The following MCTP1 variants were observed in gnomAD, a reference collection of about 807,000 sequenced individuals.
MCTP1 encodes the protein multiple C2 and transmembrane domain containing 1.
In MCTP1, 69 loss-of-function variants were observed where a neutral mutation model predicts 120.6. The observed-to-expected ratio is 0.57, with a 90% CI of 0.47 to 0.70. The LOEUF is 0.70. Ranked by LOEUF, MCTP1 falls within the 30% of genes least tolerant of loss-of-function variation. MCTP1 has a pLI of 0.00. For synonymous variants in MCTP1, 529 were observed against 493.1 expected, an observed-to-expected ratio of 1.07 and a Z score of -0.96; for missense variants, 1,203 against 1,248.8, an observed-to-expected ratio of 0.96 and a Z score of 0.55.
chr5:94,794,078 G>T (rs1779509397), intron 18 of MCTP1, among the ~76,000 whole-genome samples: 1 of 152,190 alleles, frequency 6.6e-6, no homozygotes, highest in Non-Finnish European at 1.5e-5. Flanking sequence ...GTCTCAATTT[G>T]TGTCACAGTC....
At chr5:95,031,147 A>G (rs1207514273) in intron 1 of MCTP1, among the ~76,000 whole-genome samples, 2 of 152,156 alleles carry the variant, frequency 1.3e-5, no homozygotes, top group Non-Finnish European at 2.9e-5. Context: ...TGTAAAGCAA[A>G]CAAATCTATG....
chr5:94,969,301 T>TAG (rs1284712319), intron 2 of MCTP1, among the ~76,000 whole-genome samples: 8 of 152,176 alleles, frequency 5.3e-5, no homozygotes, highest in Admixed American at 2.6e-4. Flanking sequence ...TCTGAATGTG[T>TAG]CCATTTTTAT....
rs2636 is a variant in MCTP1 at position 94,714,782 on chromosome 5, T to C, written c.2715A>G (p.Ile905Met). 5 of 1,574,436 alleles carry C rather than the reference T, an allele frequency of 3.2e-6. No homozygotes were observed. Among genetic ancestry groups the C allele is most frequent in the Non-Finnish European group, 4.4e-6 (5 of 1,144,128 alleles). ...CACAGGTCACCGTCACTCACTTCTT[T>C]ATCCTTTCGCCAAAGGAAGCCACTT... ...LDEVASFGER[I>M]KNTFNWTVPF... Residue 905 changes from isoleucine (I) to methionine (M), a missense_variant, in exon 20 of 23, where the codon ATA (isoleucine) becomes ATG (methionine). Transcript: ENST00000515393.
At chr5:94,716,515 C>T (rs1008020513) in intron 19 of MCTP1, among the ~76,000 whole-genome samples, 8 of 152,068 alleles carry the variant, frequency 5.3e-5, no homozygotes, top group African/African-American at 1.9e-4. Context: ...ACTGTGTGTC[C>T]CTTAGTATTC....
chr5:95,184,891 C>T (rs557759002), intron 1 of MCTP1, among the ~76,000 whole-genome samples: 15 of 152,240 alleles, frequency 9.9e-5, no homozygotes, highest in Admixed American at 7.2e-4. Flanking sequence ...AACTTCAACC[C>T]CCTATGATTC....
Position 95,184,850 on chromosome 5 carries a change from C to T in MCTP1, c.720+99006G>A, listed in dbSNP as rs141800621. 9.1e-3 allele frequency among the ~76,000 whole-genome samples: 1,380 copies of T among 152,262 alleles called. 17 individuals are homozygous for T. The highest frequency in any genetic ancestry group is 9.8e-3 in the Non-Finnish European group (664 of 68,024). ...TCTGCCTCAACCAGTTCTGCCATCT[C>T]ACCCAGGAACAGAAGACATTAAGAA... On this transcript the variant is annotated intron_variant, in intron 1 of 22. Coordinates refer to ENST00000515393, the MANE Select transcript of MCTP1 (RefSeq NM_024717.7).
intron 1 of MCTP1, among the ~76,000 whole-genome samples, chr5:95,021,265 T>C (rs948758116): frequency 2.0e-5 from 3 of 152,086 alleles, no homozygotes; most frequent in Admixed American, 6.6e-5. Context: ...TGTTATTTAC[T>C]ACTGGGTGAA....
At chr5:94,916,396 C>T (rs1004475127) in intron 8 of MCTP1, among the ~76,000 whole-genome samples, 4 of 152,074 alleles carry the variant, frequency 2.6e-5, no homozygotes, top group African/African-American at 9.7e-5. Context: ...CTTCAGGGCC[C>T]CAGGTGTACT....
At position 94,886,474 on chromosome 5, in the gene MCTP1, AC is replaced by A. The variant is rs576056914; in HGVS notation, c.1933+2404del. Among the ~76,000 whole-genome samples, 790 of 152,356 alleles carry A rather than the reference AC, an allele frequency of 5.2e-3. 6 individuals are homozygous for A. Among genetic ancestry groups the A allele is most frequent in the Middle Eastern group, 0.037 (11 of 294 alleles). On this transcript the variant is annotated intron_variant, in intron 12 of 22. Coordinates refer to ENST00000515393, the MANE Select transcript of MCTP1 (RefSeq NM_024717.7). ...TCAGATCATTAAAAATATCAAAAAA[AC>A]AGAGCCAAGTTGTTCAAATATAGAT...
chr5:95,092,309 T>C (rs2152344092), intron 1 of MCTP1, among the ~76,000 whole-genome samples: 1 of 152,340 alleles, frequency 6.6e-6, no homozygotes, highest in East Asian at 1.9e-4. Context: ...AAGAAACTGT[T>C]TCTTATTCTC....
At chr5:95,008,153 A>T (rs1305244987) in intron 2 of MCTP1, among the ~76,000 whole-genome samples, 4 of 152,174 alleles carry the variant, frequency 2.6e-5, no homozygotes, top group African/African-American at 9.6e-5. Flanking sequence ...CTCAAGCTTC[A>T]TTATAACCTC....
intron 22 of MCTP1, chr5:94,708,290 G>A: frequency 2.8e-6 from 1 of 357,752 alleles, no homozygotes; most frequent in Non-Finnish European, 5.1e-6. Flanking sequence ...GACAGCTCTG[G>A]TAGGTTCTTT....
chr5:94,870,485 C>A lies in MCTP1; in HGVS notation c.2248G>T (p.Ala750Ser). ...TTGGGTATTAATGTTCGTAAGCTGG[C>A]TTTCACCTATACATCAACATATGTG... ...EIDVIFNAVK[A>S]SLRTLIPKEQ... Residue 750 changes from alanine to serine, a missense_variant, in exon 16 of 23, where the codon GCC (alanine) becomes TCC (serine). Transcript: ENST00000515393. 1 of 1,606,506 alleles carries A rather than the reference C, an allele frequency of 6.2e-7. No individual in the cohort carries two copies. The highest frequency in any genetic ancestry group is 8.5e-7 in the Non-Finnish European group (1 of 1,173,238).
rs1191428036 is a variant in MCTP1, at chr5:94,943,774, G to A, written c.982-1347C>T. On this transcript the variant is annotated intron_variant, in intron 3 of 22. Coordinates refer to ENST00000515393, the MANE Select transcript of MCTP1 (RefSeq NM_024717.7). ...GTAAGTAAGGAAGATCAGGGAAACC[G>A]TTTACGATGGAAAAAAAAAACGCTA... Among the ~76,000 whole-genome samples the A allele has an allele frequency of 6.0e-5, 9 of 151,200 alleles. No individual in the cohort carries two copies. In the South Asian group the frequency reaches 8.3e-4, roughly 14 times the overall value.
Position 95,022,056 on chromosome 5 carries a change from C to T in MCTP1, c.721-4572G>A, listed in dbSNP as rs138435148. 3.3e-5 allele frequency among the ~76,000 whole-genome samples: 5 copies of T among 152,234 alleles called. No homozygotes were observed. The East Asian group carries it at 9.6e-4, about 29-fold the overall frequency. On this transcript the variant is annotated intron_variant, in intron 1 of 22. Transcript: ENST00000515393. The stretch of plus-strand genomic sequence containing the variant: ...CATCTTCATATTTCCAGAGTAGACT[C>T]TACTTGGCACTGTGAATTTGTTCAC...
At chr5:95,246,548 A>T (rs1756811720) in intron 1 of MCTP1, among the ~76,000 whole-genome samples, 1 of 152,206 alleles carries the variant, frequency 6.6e-6, no homozygotes, top group Non-Finnish European at 1.5e-5. Flanking sequence ...ATGAACAAAG[A>T]TCAAAAGAGA....
intron 1 of MCTP1, among the ~76,000 whole-genome samples, chr5:95,176,570 A>G (rs1748007395): frequency 6.6e-6 from 1 of 152,174 alleles, no homozygotes; most frequent in South Asian, 2.1e-4. Flanking sequence ...CTTTTTCTCC[A>G]ATAAGTTTTC....
chr5:94,948,963 A>G (rs1208809403), intron 3 of MCTP1, among the ~76,000 whole-genome samples: 2 of 151,904 alleles, frequency 1.3e-5, no homozygotes, highest in Admixed American at 1.3e-4. Flanking sequence ...TTCAACTTTA[A>G]CTCTTAAGCT....
chr5:95,009,066 G>C (rs1190551113), intron 2 of MCTP1, among the ~76,000 whole-genome samples: 1 of 22,932 alleles, frequency 4.4e-5, no homozygotes, highest in Non-Finnish European at 4.8e-4. Flanking sequence ...AAGAGAGAGA[G>C]AGAGAGAGAG....
Sources: allele counts gnomAD v4.1 joint callset (sites outside exome capture counted in the v4.1 genomes callset), GRCh38; gene constraint gnomAD v4.1.1; transcripts MANE v1.5; gene names NCBI Gene and HGNC (gene_info 2026-07-23, HGNC 2026-07-21).